Variants in BRI3 observed in about 807,000 individuals in gnomAD.
BRI3 encodes brain protein I3.
A neutral mutation model predicts 12.8 loss-of-function variants in BRI3; 6 were observed. That is an observed-to-expected ratio of 0.47 (90% CI 0.26 to 0.93). The LOEUF (loss-of-function observed/expected upper bound fraction) is 0.93, where lower values mean the gene tolerates loss of function less well. Ranked by LOEUF, BRI3 falls within the 40% of genes least tolerant of loss-of-function variation. The pLI, the probability that BRI3 is intolerant of heterozygous loss-of-function variation, is 0.15. For synonymous variants in BRI3, 91 were observed against 76.1 expected (o/e 1.20, Z -1.02); for missense variants, 134 against 171.1 (o/e 0.78, Z 1.21).
At chr7:98,316,953 TCC>T in the BRI3 span, among the ~76,000 whole-genome samples, 1 of 136,924 alleles carries the variant, frequency 7.3e-6, no homozygotes, top group Non-Finnish European at 1.6e-5. Flanking sequence ...AACCTCTGCC[TCC>T]CAAGTTCAAG....
chr7:98,286,503 A>G (rs935835665), intron 2 of BRI3, among the ~76,000 whole-genome samples: 1 of 152,126 alleles, frequency 6.6e-6, no homozygotes, highest in African/African-American at 2.4e-5. Flanking sequence ...TCAGGACCAG[A>G]GCGGTTGAGA....
At chr7:98,303,554 A>G (rs770537923), upstream of BRI3, among the ~76,000 whole-genome samples, 1 of 152,178 alleles carries the variant, frequency 6.6e-6, no homozygotes, top group African/African-American at 2.4e-5. Flanking sequence ...TCCTATCACT[A>G]GAACAGAAGT....
intron 1 of BRI3, among the ~76,000 whole-genome samples, chr7:98,301,077 G>A (rs1051074064): frequency 5.3e-5 from 8 of 152,120 alleles, no homozygotes; most frequent in Non-Finnish European, 1.2e-4. Context: ...AGGCCGGCTG[G>A]ATGAATGCTG....
downstream of BRI3, among the ~76,000 whole-genome samples, chr7:98,296,599 G>A (rs1317131103): frequency 1.3e-5 from 2 of 152,128 alleles, no homozygotes; most frequent in Non-Finnish European, 2.9e-5. Context: ...ACTCCAGCCT[G>A]GGCAACAGAG....
At chr7:98,311,533 T>C (rs1361423968), downstream of BRI3, among the ~76,000 whole-genome samples, 1 of 150,468 alleles carries the variant, frequency 6.6e-6, no homozygotes, top group African/African-American at 2.4e-5. Context: ...AGAGCAAGAC[T>C]GTGTCTCAAA....
intron 2 of BRI3, 76 bp from the exon 3 acceptor site, chr7:98,291,035 G>T: frequency 6.4e-7 from 1 of 1,557,860 alleles, no homozygotes; most frequent in South Asian, 1.1e-5. Flanking sequence ...GTTATTGAAT[G>T]CAAGGGTGGC....
downstream of BRI3, chr7:98,292,440 C>T (rs1188138153): frequency 3.4e-6 from 2 of 584,948 alleles, no homozygotes; most frequent in Non-Finnish European, 6.0e-6. Flanking sequence ...TCACAAAATG[C>T]TGGGATTCCC....
chr7:98,283,052 A>C (rs1024607310), intron 2 of BRI3: 8 of 152,160 alleles, frequency 5.3e-5, no homozygotes, highest in Admixed American at 5.2e-4. Flanking sequence ...GGACCTGCAC[A>C]CGCTTTTTGG....
chr7:98,295,071 G>A (rs537506555), downstream of BRI3, among the ~76,000 whole-genome samples: 1 of 152,324 alleles, frequency 6.6e-6, no homozygotes, highest in Non-Finnish European at 1.5e-5. Flanking sequence ...CCCAGGAAGC[G>A]TCCCAGCACC....
chr7:98,310,483 G>A (rs768829897), downstream of BRI3: 21 of 1,605,622 alleles, frequency 1.3e-5, no homozygotes, highest in African/African-American at 6.7e-5. Context: ...CGGGGCAGCC[G>A]TGGCTGGGTT....
rs576617296 is a variant in BRI3 at position 98,284,253 on chromosome 7, C to T, written c.245+1800C>T. ...ACCAGAGCACTCTTGGATCCTGCGG[C>T]GACCCCTTGGGTTGCAGCCAGGCCC... On this transcript the variant is annotated intron_variant, in intron 2 of 2. Transcript: ENST00000297290. Among the ~76,000 whole-genome samples the T allele has an allele frequency of 2.0e-3, 302 of 152,328 alleles. 2 individuals are homozygous for T. Among genetic ancestry groups the T allele is most frequent in the African/African-American group, 6.6e-3 (274 of 41,580 alleles).
downstream of BRI3, among the ~76,000 whole-genome samples, chr7:98,311,325 C>T (rs982492730): frequency 2.6e-4 from 39 of 151,882 alleles, no homozygotes; most frequent in Non-Finnish European, 2.6e-4. Context: ...GGGCGGATCA[C>T]GAGGTCAGGA....
chr7:98,312,891 T>C (rs1196736838), downstream of BRI3, among the ~76,000 whole-genome samples: 1 of 152,184 alleles, frequency 6.6e-6, no homozygotes, highest in African/African-American at 2.4e-5. Flanking sequence ...CCCACAAGCC[T>C]GGCTCTGCTC....
intron 1 of BRI3, among the ~76,000 whole-genome samples, chr7:98,299,410 G>A (rs73147342): frequency 6.6e-6 from 1 of 151,904 alleles, no homozygotes; most frequent in African/African-American, 2.4e-5. Context: ...CTCCCGCCTC[G>A]GCCTCCCAAA....
At chr7:98,313,269 A>C (rs1177206282), downstream of BRI3, among the ~76,000 whole-genome samples, 2 of 152,052 alleles carry the variant, frequency 1.3e-5, no homozygotes, top group African/African-American at 4.8e-5. Flanking sequence ...CCACAAAACC[A>C]GTTTTCAGAT....
downstream of BRI3, among the ~76,000 whole-genome samples, chr7:98,315,288 GT>G (rs1020662454): frequency 4.0e-5 from 6 of 149,718 alleles, no homozygotes; most frequent in Middle Eastern, 3.4e-3. Flanking sequence ...TGCCTGGCTA[GT>G]TTTTTTTTTA....
intron 1 of BRI3, chr7:98,307,344 G>A: frequency 9.4e-7 from 1 of 1,062,442 alleles, no homozygotes; most frequent in Non-Finnish European, 1.2e-6. Flanking sequence ...AACCTCAGGT[G>A]ATCTGCCCGC....
chr7:98,304,527 A>C, upstream of BRI3: 2 of 785,018 alleles, frequency 2.5e-6, no homozygotes, highest in East Asian at 2.9e-5. Context: ...CACACAGTAC[A>C]TATATCAATA....
chr7:98,285,234 C>T (rs569949814), intron 2 of BRI3, among the ~76,000 whole-genome samples: 7 of 152,278 alleles, frequency 4.6e-5, no homozygotes, highest in African/African-American at 9.6e-5. Flanking sequence ...GCTCAGTGGC[C>T]AGCGTGGAGG....
Sources: gnomAD v4.1 joint callset for allele counts (sites outside exome capture counted in the v4.1 genomes callset) on GRCh38, gnomAD v4.1.1 for gene constraint, MANE v1.5 for transcripts, NCBI Gene and HGNC (gene_info 2026-07-23, HGNC 2026-07-21) for gene names.